CERK: variants seen among roughly 807,000 people sequenced by gnomAD.
CERK encodes acylsphingosine kinase.
Under a neutral mutation model 63.4 loss-of-function variants are expected in CERK, and 39 were observed. The ratio of observed to expected loss-of-function variants is 0.61; its 90% confidence interval spans 0.48 to 0.80. CERK has a LOEUF of 0.80. Ranked by LOEUF, CERK falls within the 30% of genes least tolerant of loss-of-function variation. The pLI is 0.00. For synonymous variants in CERK, 302 were observed against 280.0 expected (o/e 1.08, Z -0.78); for missense variants, 670 against 714.1 (o/e 0.94, Z 0.70).
chr22:46,724,865 CA>C (rs1215089983), intron 1 of CERK, among the ~76,000 whole-genome samples: 3 of 151,914 alleles, frequency 2.0e-5, no homozygotes. Flanking sequence ...TAAAAATACA[CA>C]AAAAATTAGC....
intron 1 of CERK, among the ~76,000 whole-genome samples, chr22:46,731,080 G>A (rs1209145768): frequency 6.6e-6 from 1 of 152,274 alleles, no homozygotes; most frequent in Non-Finnish European, 1.5e-5. Flanking sequence ...GGGCTGTACA[G>A]GGGAGGCCAC....
In CERK at chr22:46,730,226, T is replaced by G. The variant is rs1178236760; in HGVS notation, c.142+7781A>C. 1.9e-4 allele frequency among the ~76,000 whole-genome samples: 27 copies of G among 144,264 alleles called. No homozygotes were observed. The South Asian group carries it at 6.1e-3, about 32-fold the overall frequency. 94.6% of individuals were successfully genotyped at this position (144,264 alleles called of 152,430 possible). ...TGAGCTCAGGAGTTCAAGACCAGCC[T>G]GGGTAACATGGCAAATCCCTGTCTC... On this transcript the variant is annotated intron_variant, in intron 1 of 12. Coordinates refer to ENST00000216264, the MANE Select transcript of CERK (RefSeq NM_022766.6).
intron 1 of CERK, among the ~76,000 whole-genome samples, chr22:46,724,008 A>G (rs1461994367): frequency 1.3e-5 from 2 of 152,064 alleles, no homozygotes; most frequent in East Asian, 3.9e-4. Flanking sequence ...AGATTTTTCA[A>G]TAAAAGTGAC....
intron 1 of CERK, among the ~76,000 whole-genome samples, chr22:46,730,717 CAA>C (rs1845734351): frequency 6.6e-6 from 1 of 152,186 alleles, no homozygotes. Flanking sequence ...ACACATGAAA[CAA>C]ATATAAGAAG....
chr22:46,716,505 T>TAA (rs561393380), intron 3 of CERK, among the ~76,000 whole-genome samples: 141 of 143,382 alleles, frequency 9.8e-4, no homozygotes, highest in African/African-American at 3.5e-3. Flanking sequence ...CCCCGTCTCT[T>TAA]AAAAAAAAAA....
At chr22:46,717,410 G>T (rs1272724252) in intron 3 of CERK, among the ~76,000 whole-genome samples, 1 of 152,228 alleles carries the variant, frequency 6.6e-6, no homozygotes, top group Non-Finnish European at 1.5e-5. Context: ...TGAATAAATG[G>T]CCGTAACATT....
chr22:46,701,233 C>T (rs527665932), intron 7 of CERK, among the ~76,000 whole-genome samples: 21 of 152,322 alleles, frequency 1.4e-4, no homozygotes, highest in African/African-American at 4.3e-4. Flanking sequence ...CAGAGGCATG[C>T]GTTCCACAGC....
intron 10 of CERK, among the ~76,000 whole-genome samples, chr22:46,692,697 G>C (rs548958633): frequency 6.6e-5 from 10 of 151,918 alleles, no homozygotes; most frequent in African/African-American, 2.2e-4. Flanking sequence ...CTGAGGTCAG[G>C]AGTTTGAGAC....
In CERK at chr22:46,693,510, G is replaced by C; in HGVS notation, c.1050-7C>G. On this transcript the variant is annotated splice_region_variant and splice_polypyrimidine_tract_variant and intron_variant, in intron 9 of 12. Coordinates refer to ENST00000216264, the MANE Select transcript of CERK (RefSeq NM_022766.6). Reference sequence around the variant, plus strand: ...TTGCCTGCAAACAAAGCATCTGAAAGACAAGAATATCATCACCTTTTAAAT... The same window carrying C: ...TTGCCTGCAAACAAAGCATCTGAAACACAAGAATATCATCACCTTTTAAAT... The C allele has an allele frequency of 6.2e-7, 1 of 1,613,014 alleles. No homozygotes were observed. Among genetic ancestry groups the C allele is most frequent in the Non-Finnish European group, 8.5e-7 (1 of 1,179,054 alleles).
At chr22:46,735,647 G>A (rs570907128) in intron 1 of CERK, 2 of 152,390 alleles carry the variant, frequency 1.3e-5, no homozygotes, top group East Asian at 1.9e-4. Flanking sequence ...GGTCCTCCTA[G>A]GGCCAGTTTT....
At position 46,738,025 on chromosome 22, in the gene CERK, C is replaced by T. The variant is rs1569333667; in HGVS notation, c.124G>A (p.Ala42Thr). The change falls in exon 1 of 13, where the codon GCC becomes ACC. Residue 42 changes from alanine (A) to threonine (T), a missense_variant. By Grantham distance (58) the Ala-to-Thr change is moderately conservative. Transcript: ENST00000216264. ...LRWWRSPGPG[A>T]GAPGADACSV... Reference sequence around the variant, plus strand: ...CACTCACCCGCGCCGGGGGCGCCGGCTCCGGGCCCCGGGCTCCGCCACCAG... The same window carrying T: ...CACTCACCCGCGCCGGGGGCGCCGGTTCCGGGCCCCGGGCTCCGCCACCAG... The T allele has an allele frequency of 1.7e-6, 2 of 1,192,480 alleles. No individual in the cohort carries two copies. Among genetic ancestry groups the T allele is most frequent in the Non-Finnish European group, 1.0e-6 (1 of 966,040 alleles). The allele number at this position is 1,192,480 out of a possible 1,614,324, so 73.9% of individuals were successfully genotyped here.
intron 8 of CERK, among the ~76,000 whole-genome samples, chr22:46,695,833 G>A (rs1335517167): frequency 4.6e-5 from 7 of 152,012 alleles, no homozygotes; most frequent in African/African-American, 9.7e-5. Context: ...AAACGTGTGC[G>A]CTGTCCACGG....
rs1601720012 is a variant in CERK, at chr22:46,711,121, C to T, written c.534G>A (p.Glu178=). The T allele has an allele frequency of 1.9e-6, 3 of 1,613,800 alleles. No individual in the cohort carries two copies. The South Asian group carries it at 3.3e-5, about 18-fold the overall frequency. Residue 178 remains glutamate, a synonymous_variant, in exon 5 of 13, where the codon GAG becomes GAA. Coordinates refer to ENST00000216264, the MANE Select transcript of CERK (RefSeq NM_022766.6). ...TGTCTATGTTAATCTCATACAGAGTCTCCTTGGCCTGATTAGCATGTTCAG... is the reference window on the plus strand; with the variant it reads ...TGTCTATGTTAATCTCATACAGAGTTTCCTTGGCCTGATTAGCATGTTCAG... ...IVTEHANQAK[E]TLYEINIDKY...
chr22:46,738,086 G>A lies in CERK; in HGVS notation c.63C>T (p.Cys21=), dbSNP rs1369773123. Residue 21 remains cysteine, a synonymous_variant, in exon 1 of 13, where the codon TGC becomes TGT. Coordinates refer to ENST00000216264, the MANE Select transcript of CERK (RefSeq NM_022766.6). The stretch of plus-strand genomic sequence containing the variant: ...CCCGCGCGGGCTCCAGGCTCACGGC[G>A]CAGCGCTGCTGCTTCACCCACAGCA... ...QSVLWVKQQR[C]AVSLEPARAL... The A allele has an allele frequency of 7.8e-7, 1 of 1,289,810 alleles. No individual in the cohort carries two copies. Among genetic ancestry groups the A allele is most frequent in the Non-Finnish European group, 9.9e-7 (1 of 1,011,346 alleles). 79.9% of individuals were successfully genotyped at this position (1,289,810 alleles called of 1,614,324 possible). A position where few individuals can be genotyped will look rare whatever the true frequency, so the allele number is the denominator to read the frequency against.
intron 1 of CERK, among the ~76,000 whole-genome samples, chr22:46,734,848 C>T (rs1399292773): frequency 1.3e-5 from 2 of 152,224 alleles, no homozygotes; most frequent in Admixed American, 6.5e-5. Context: ...ATTAAATCAA[C>T]ATGACTTACT....
intron 12 of CERK, among the ~76,000 whole-genome samples, chr22:46,689,723 G>T (rs1337107039): frequency 6.6e-6 from 1 of 152,156 alleles, no homozygotes; most frequent in Non-Finnish European, 1.5e-5. Context: ...AAGAGGAAAA[G>T]AATGAAATGG....
In CERK at chr22:46,702,220, T is replaced by A. The variant is rs574227074; in HGVS notation, c.716-510A>T. ...GGAGCCAAAAAGTTAAAAAAATATATATATGTGTGTGTGTGTGTGTGTGTG... is the reference window on the plus strand; with the variant it reads ...GGAGCCAAAAAGTTAAAAAAATATAAATATGTGTGTGTGTGTGTGTGTGTG... On this transcript the variant is annotated intron_variant, in intron 6 of 12. Transcript: ENST00000216264. 2.9e-3 allele frequency among the ~76,000 whole-genome samples: 298 copies of A among 101,328 alleles called. 6 individuals are homozygous for A. Among genetic ancestry groups the A allele is most frequent in the African/African-American group, 0.013 (286 of 21,720 alleles). 66.5% of individuals were successfully genotyped at this position (101,328 alleles called of 152,430 possible).
intron 5 of CERK, among the ~76,000 whole-genome samples, chr22:46,708,667 T>A (rs1237172695): frequency 6.6e-6 from 1 of 152,154 alleles, no homozygotes; most frequent in East Asian, 1.9e-4. Flanking sequence ...TGCTGTCCTA[T>A]GCCGGGGGTA....
At chr22:46,697,625 C>T (rs545184801) in intron 8 of CERK, among the ~76,000 whole-genome samples, 1 of 152,286 alleles carries the variant, frequency 6.6e-6, no homozygotes, top group East Asian at 1.9e-4. Flanking sequence ...CCTGCCTCAG[C>T]CCCCCGAGGA....
Sources: allele counts gnomAD v4.1 joint callset (sites outside exome capture counted in the v4.1 genomes callset), GRCh38; gene constraint gnomAD v4.1.1; transcripts MANE v1.5; gene names NCBI Gene and HGNC (gene_info 2026-07-23, HGNC 2026-07-21).